ANXA4: variants seen among roughly 807,000 people sequenced by gnomAD.
ANXA4 encodes the protein annexin A4.
In ANXA4, 39 loss-of-function variants were observed where a neutral mutation model predicts 49.8. The ratio of observed to expected loss-of-function variants is 0.78; its 90% CI spans 0.61 to 1.02. ANXA4 has a LOEUF of 1.02. ANXA4 is among the 50% of genes least tolerant of loss of function. The probability of loss-of-function intolerance (pLI) is 0.00; values close to 1 mark genes in which losing one functional copy is unlikely to be tolerated. For synonymous variants in ANXA4, 134 were observed against 152.5 expected (o/e 0.88, Z 0.89); for missense variants, 360 against 410.1 (o/e 0.88, Z 1.05).
chr2:69,731,123 G>T (rs1412350114), intron 3 of ANXA4, among the ~76,000 whole-genome samples: 2 of 152,182 alleles, frequency 1.3e-5, no homozygotes, highest in African/African-American at 4.8e-5. Flanking sequence ...GATGCAGAAG[G>T]TAACAACATA....
chr2:69,758,444 A>C (rs2105515737), intron 1 of ANXA4, among the ~76,000 whole-genome samples: 1 of 152,100 alleles, frequency 6.6e-6, no homozygotes, highest in Non-Finnish European at 1.5e-5. Context: ...ACATAGGGAG[A>C]CTCTACCTCT....
chr2:69,794,062 G>T (rs895026604), intron 3 of ANXA4, among the ~76,000 whole-genome samples: 2 of 152,142 alleles, frequency 1.3e-5, no homozygotes, highest in African/African-American at 4.8e-5. Flanking sequence ...TACCCAGTTT[G>T]CTCCACTTAC....
chr2:69,694,694 G>T (rs1468549929), intron 2 of ANXA4, among the ~76,000 whole-genome samples: 1 of 151,522 alleles, frequency 6.6e-6, no homozygotes, highest in Non-Finnish European at 1.5e-5. Flanking sequence ...ACATTTCTAT[G>T]GTTTATAAAA....
intron 2 of ANXA4, among the ~76,000 whole-genome samples, chr2:69,673,675 A>AT (rs1677282763): frequency 1.4e-5 from 2 of 145,278 alleles, no homozygotes; most frequent in Non-Finnish European, 3.0e-5. Context: ...GAAAAGAAAC[A>AT]TTTTTTTCAA....
chr2:69,737,329 A>G (rs1027753591), upstream of ANXA4, among the ~76,000 whole-genome samples: 3 of 152,160 alleles, frequency 2.0e-5, no homozygotes, highest in African/African-American at 4.8e-5. Context: ...AGCACTTTCA[A>G]TGTGGAAATT....
At chr2:69,773,631 T>G (rs1671829331) in intron 1 of ANXA4, among the ~76,000 whole-genome samples, 1 of 138,470 alleles carries the variant, frequency 7.2e-6, no homozygotes, top group African/African-American at 2.7e-5. Context: ...CTTTTTTTTT[T>G]TTTTTTTTTT....
intron 2 of ANXA4, among the ~76,000 whole-genome samples, chr2:69,784,377 G>A (rs74669675): frequency 0.018 from 2,680 of 152,270 alleles, 48 homozygotes; most frequent in East Asian, 0.087. Flanking sequence ...CAGCAACGCA[G>A]TTTGCTTAAA....
rs544475210 is a variant in ANXA4, at chr2:69,730,317, C to A, written n.864+9446C>A. Among the ~76,000 whole-genome samples, 11 of 152,290 alleles carry A rather than the reference C, an allele frequency of 7.2e-5. No individual in the cohort carries two copies. The South Asian group carries it at 2.1e-3, about 29-fold the overall frequency. The stretch of plus-strand genomic sequence containing the variant: ...AGGAGTTCGAGACCAGCCTGGCCAA[C>A]ATGAGGAAACCCCATCTCTACTAAA... On this transcript the variant is annotated intron_variant and non_coding_transcript_variant, in intron 3 of 3. Transcript: ENST00000418066.
intron 3 of ANXA4, among the ~76,000 whole-genome samples, chr2:69,727,236 T>C (rs1326678029): frequency 6.6e-6 from 1 of 152,250 alleles, no homozygotes; most frequent in Non-Finnish European, 1.5e-5. Context: ...ATAATGCTCC[T>C]ATAAAATTCT....
intron 3 of ANXA4, among the ~76,000 whole-genome samples, chr2:69,724,209 G>T (rs1669897454): frequency 6.6e-6 from 1 of 152,214 alleles, no homozygotes; most frequent in South Asian, 2.1e-4. Flanking sequence ...TTGAGGGTGG[G>T]TGTACCCATC....
intron 4 of ANXA4, among the ~76,000 whole-genome samples, chr2:69,804,866 T>C (rs1198480594): frequency 6.6e-6 from 1 of 151,626 alleles, no homozygotes; most frequent in Non-Finnish European, 1.5e-5. Context: ...GCCAACATGG[T>C]GAAACCCCAT....
intron 3 of ANXA4, among the ~76,000 whole-genome samples, chr2:69,728,948 A>G (rs937455762): frequency 6.6e-6 from 1 of 152,208 alleles, no homozygotes; most frequent in Non-Finnish European, 1.5e-5. Context: ...TCAATTTGGG[A>G]GCATTACATA....
intron 2 of ANXA4, among the ~76,000 whole-genome samples, chr2:69,656,481 T>C: frequency 6.7e-6 from 1 of 148,630 alleles, no homozygotes; most frequent in East Asian, 1.9e-4. Context: ...GAATACAGTA[T>C]TGACCCCAGT....
intron 2 of ANXA4, among the ~76,000 whole-genome samples, chr2:69,670,044 C>A (rs548460066): frequency 6.6e-6 from 1 of 152,276 alleles, no homozygotes; most frequent in South Asian, 2.1e-4. Context: ...TTGCTGCACA[C>A]GTGTCTTATA....
chr2:69,672,480 C>T (rs968641609), intron 2 of ANXA4, among the ~76,000 whole-genome samples: 1 of 152,138 alleles, frequency 6.6e-6, no homozygotes, highest in Non-Finnish European at 1.5e-5. Flanking sequence ...GATCTGCCTG[C>T]CCTGGCCCCC....
At chr2:69,656,551 CTTTTTTTTTT>C (rs34322550) in intron 2 of ANXA4, among the ~76,000 whole-genome samples, 3 of 103,994 alleles carry the variant, frequency 2.9e-5, no homozygotes, top group African/African-American at 1.2e-4. Context: ...ACAGTAGTTC[CTTTTTTTTTT>C]TTTTTTTTTG....
chr2:69,788,759 A>T (rs1014532079), intron 3 of ANXA4, among the ~76,000 whole-genome samples: 4 of 151,146 alleles, frequency 2.6e-5, no homozygotes, highest in African/African-American at 9.8e-5. Flanking sequence ...AATGGCGTGA[A>T]CCCGGGAGGT....
intron 2 of ANXA4, among the ~76,000 whole-genome samples, chr2:69,656,335 G>GTA (rs1194736472): frequency 3.3e-5 from 3 of 92,086 alleles, no homozygotes; most frequent in Non-Finnish European, 5.4e-5. Context: ...ATATATATGT[G>GTA]TATATATATG....
chr2:69,773,997 A>G (rs1275532048), intron 1 of ANXA4, among the ~76,000 whole-genome samples: 2 of 151,702 alleles, frequency 1.3e-5, no homozygotes, highest in Non-Finnish European at 2.9e-5. Flanking sequence ...TAATTTTGCT[A>G]TTTTTAGTAG....
Sources: allele counts gnomAD v4.1 joint callset (sites outside exome capture counted in the v4.1 genomes callset), GRCh38; gene constraint gnomAD v4.1.1; transcripts MANE v1.5; gene names NCBI Gene and HGNC (gene_info 2026-07-23, HGNC 2026-07-21).